Variants in SLC6A11 observed in about 807,000 individuals in gnomAD.
SLC6A11 encodes the protein sodium- and chloride-dependent GABA transporter 3.
Under a neutral mutation model 74.8 loss-of-function variants are expected in SLC6A11, and 25 were observed. The observed-to-expected ratio is 0.33, with a 90% CI of 0.24 to 0.47. The LOEUF (loss-of-function observed/expected upper bound fraction) is 0.47, where lower values mean the gene tolerates loss of function less well. Among genes scored for constraint, SLC6A11 ranks in the 20% least tolerant of loss-of-function variants. The pLI is 1.00. For synonymous variants in SLC6A11, 330 were observed against 330.2 expected (o/e 1.00, Z 0.01); for missense variants, 574 against 837.0 (o/e 0.69, Z 3.88).
intron 4 of SLC6A11, chr3:10,825,622 C>T (rs1694198798): frequency 6.6e-6 from 1 of 151,866 alleles, no homozygotes; most frequent in Non-Finnish European, 1.5e-5. Flanking sequence ...TATTTCCCTA[C>T]CCCAAAGTTG....
chr3:10,927,206 T>G (rs949951366), intron 9 of SLC6A11, among the ~76,000 whole-genome samples: 2 of 152,124 alleles, frequency 1.3e-5, no homozygotes, highest in Non-Finnish European at 2.9e-5. Flanking sequence ...TCTTCCCTTA[T>G]TGTTGCTGTT....
chr3:10,934,433 C>T (rs62240276), intron 12 of SLC6A11, among the ~76,000 whole-genome samples: 7,324 of 152,254 alleles, frequency 0.048, 225 homozygotes, highest in Middle Eastern at 0.068. Context: ...ATACGCAAAT[C>T]GGGCGCTGGA....
At chr3:10,830,976 C>T (rs888966641) in intron 4 of SLC6A11, among the ~76,000 whole-genome samples, 1 of 152,136 alleles carries the variant, frequency 6.6e-6, no homozygotes, top group African/African-American at 2.4e-5. Context: ...TGGTGGTGCC[C>T]TGCACTGTTG....
intron 6 of SLC6A11, among the ~76,000 whole-genome samples, chr3:10,906,874 G>A (rs1695309454): frequency 6.6e-6 from 1 of 152,184 alleles, no homozygotes; most frequent in Admixed American, 6.5e-5. Flanking sequence ...AATAAGGAAA[G>A]TTCAGACTGC....
chr3:10,900,627 C>T (rs905631494), intron 6 of SLC6A11, among the ~76,000 whole-genome samples: 1 of 152,226 alleles, frequency 6.6e-6, no homozygotes, highest in African/African-American at 2.4e-5. Flanking sequence ...GGGCATGGAG[C>T]ACCCAGGCTT....
Position 10,918,228 on chromosome 3 carries a change from C to T in SLC6A11, c.996-101C>T. ...AGCTCCCTGTGCCTGCACTTCCCTG[C>T]CTGCCTCACAGGACAGCCATGGTGC... On this transcript the variant is annotated intron_variant, in intron 7 of 13. Transcript: ENST00000254488. The surrounding 1 kb of genome is among the most constrained non-coding windows in gnomAD (Gnocchi z 4.5). 3 of 1,344,622 alleles carry T rather than the reference C, an allele frequency of 2.2e-6. No individual in the cohort carries two copies. Among genetic ancestry groups the T allele is most frequent in the Non-Finnish European group, 3.0e-6 (3 of 1,015,816 alleles). 83.3% of individuals were successfully genotyped at this position (1,344,622 alleles called of 1,614,324 possible).
At chr3:10,838,001 G>A (rs979736472) in intron 4 of SLC6A11, among the ~76,000 whole-genome samples, 5 of 152,244 alleles carry the variant, frequency 3.3e-5, no homozygotes, top group Admixed American at 1.3e-4. Context: ...AGACCAGCAG[G>A]GCTATTTATA....
chr3:10,906,775 A>G (rs1026721154), intron 6 of SLC6A11, among the ~76,000 whole-genome samples: 4 of 152,238 alleles, frequency 2.6e-5, no homozygotes, highest in Admixed American at 6.5e-5. Flanking sequence ...GAAATTTTGG[A>G]TAAGAGTGGG....
intron 4 of SLC6A11, among the ~76,000 whole-genome samples, chr3:10,842,862 C>T (rs1026167312): frequency 5.3e-5 from 8 of 152,100 alleles, no homozygotes; most frequent in African/African-American, 1.7e-4. Flanking sequence ...TCTGGCGGGG[C>T]TGGGGCTGGA....
At chr3:10,916,292 A>G (rs1252319248) in intron 7 of SLC6A11, among the ~76,000 whole-genome samples, 3 of 152,244 alleles carry the variant, frequency 2.0e-5, no homozygotes, top group African/African-American at 7.2e-5. Flanking sequence ...CAGCATTCAC[A>G]GTACCAGAAG....
chr3:10,912,215 G>C, intron 7 of SLC6A11, 22 bp downstream of exon 7: 1 of 1,516,634 alleles, frequency 6.6e-7, no homozygotes, highest in Non-Finnish European at 9.2e-7. Flanking sequence ...CCTGGGCCCT[G>C]CCAGCTCTCC....
intron 4 of SLC6A11, among the ~76,000 whole-genome samples, chr3:10,829,780 T>C (rs1457694319): frequency 3.9e-5 from 6 of 152,236 alleles, no homozygotes; most frequent in Non-Finnish European, 5.9e-5. Context: ...AAATAGTAGC[T>C]GTTTTTACAC....
chr3:10,818,014 A>G (rs1437017604), intron 1 of SLC6A11, among the ~76,000 whole-genome samples: 1 of 151,886 alleles, frequency 6.6e-6, no homozygotes, highest in East Asian at 1.9e-4. Context: ...AACAAAAAGC[A>G]TTCATAAAAG....
chr3:10,875,016 G>A lies in SLC6A11; in HGVS notation c.812G>A (p.Arg271Gln), dbSNP rs1293467197. 8 of 1,613,554 alleles carry A rather than the reference G, an allele frequency of 5.0e-6. No individual in the cohort carries two copies. The highest frequency in any genetic ancestry group is 4.4e-5 in the South Asian group (4 of 90,992). The part of the protein sequence containing the change: ...PYIMLLILLI[R>Q]GVTLPGASEG... ...ATCATGCTGCTGATCCTCCTGATAC[G>A]AGGGGTCACGTTGCCCGGGGCCTCA... The change falls in exon 6 of 14, where the codon CGA becomes CAA. Residue 271 changes from arginine to glutamine, a missense_variant. Coordinates refer to ENST00000254488, the MANE Select transcript of SLC6A11 (RefSeq NM_014229.3).
intron 1 of SLC6A11, among the ~76,000 whole-genome samples, chr3:10,817,952 G>A (rs1442799516): frequency 2.0e-5 from 3 of 152,130 alleles, no homozygotes; most frequent in Non-Finnish European, 4.4e-5. Flanking sequence ...TAGTCCCCAG[G>A]CACAAATTGT....
In SLC6A11 at chr3:10,927,375, G is replaced by A. The variant is rs920055149; in HGVS notation, c.1233+1259G>A. Among the ~76,000 whole-genome samples the A allele has an allele frequency of 6.6e-5, 10 of 152,288 alleles. No individual in the cohort carries two copies. The South Asian group carries it at 8.3e-4, about 13-fold the overall frequency. The stretch of plus-strand genomic sequence containing the variant: ...CCCGAGGTCTGGCACAAAAAGTGGC[G>A]GCCACTCTGCCTATCCCCATGCGTG... On this transcript the variant is annotated intron_variant, in intron 9 of 13. Transcript: ENST00000254488.
intron 5 of SLC6A11, among the ~76,000 whole-genome samples, chr3:10,866,211 AAAGG>A (rs1290321769): frequency 6.6e-6 from 1 of 152,230 alleles, no homozygotes; most frequent in Admixed American, 6.5e-5. Flanking sequence ...GAAGGGCAAG[AAAGG>A]AAGGATGGGT....
intron 5 of SLC6A11, among the ~76,000 whole-genome samples, chr3:10,870,120 A>C (rs1694811872): frequency 6.6e-6 from 1 of 152,180 alleles, no homozygotes; most frequent in Non-Finnish European, 1.5e-5. Context: ...ACCAAGCTCC[A>C]GCCCATGTTC....
Position 10,938,311 on chromosome 3 carries a change from G to A in SLC6A11, c.1808G>A (p.Ser603Asn). Reference sequence around the variant, plus strand: ...AAAATGCGGGGCAAGCTTGGGGTGAGCCCACGGATGGTGACAGTTAATGAC... The same window carrying A: ...AAAATGCGGGGCAAGCTTGGGGTGAACCCACGGATGGTGACAGTTAATGAC... ...DLKMRGKLGVSPRMVTVNDCD... is the reference protein window; with the variant it reads ...DLKMRGKLGVNPRMVTVNDCD... Residue 603 changes from serine (S) to asparagine (N), a missense_variant, in exon 14 of 14, where the codon AGC (serine) becomes AAC (asparagine). Transcript: ENST00000254488. 1.2e-6 allele frequency: 2 copies of A among 1,613,244 alleles called. No homozygotes were observed. Among genetic ancestry groups the A allele is most frequent in the Non-Finnish European group, 1.7e-6 (2 of 1,179,350 alleles).
Sources: gnomAD v4.1 joint callset for allele counts (sites outside exome capture counted in the v4.1 genomes callset) on GRCh38, gnomAD v4.1.1 for gene constraint, Gnocchi (gnomAD v3.1) non-coding constraint, MANE v1.5 for transcripts, NCBI Gene and HGNC (gene_info 2026-07-23, HGNC 2026-07-21) for gene names.